VAT1L: variants seen among roughly 807,000 people sequenced by gnomAD.
The protein encoded by VAT1L is vesicle amine transport 1 like.
Under a neutral mutation model 44.1 loss-of-function variants are expected in VAT1L, and 34 were observed. That is an observed-to-expected ratio of 0.77 (90% CI 0.59 to 1.03). The LOEUF (loss-of-function observed/expected upper bound fraction) is 1.03. Among genes scored for constraint, VAT1L ranks in the 50% least tolerant of loss-of-function variants. The pLI is 0.00. For synonymous variants in VAT1L, 253 were observed against 202.2 expected (o/e 1.25, Z -2.13); for missense variants, 615 against 538.8 (o/e 1.14, Z -1.40).
chr16:77,844,886 A>G (rs1389469325), intron 3 of VAT1L, among the ~76,000 whole-genome samples: 1 of 152,206 alleles, frequency 6.6e-6, no homozygotes, highest in Middle Eastern at 3.2e-3. Context: ...AAGGATCAAG[A>G]TGCTATCATA....
In VAT1L at chr16:77,825,051, G is replaced by A. The variant is rs2966044; in HGVS notation, c.364-195G>A. On this transcript the variant is annotated intron_variant, in intron 2 of 8. Transcript: ENST00000302536. ...CTGGTGAATTTTTGTATTTTTAGTA[G>A]AGATGGGGTTTTACCATGTCAGCCA... Among the ~76,000 whole-genome samples the A allele has an allele frequency of 0.18, 26,991 of 151,672 alleles. 2,523 individuals carry two copies. The highest frequency in any genetic ancestry group is 0.22 in the Admixed American group (3,337 of 15,250).
At chr16:77,801,293 A>G (rs1187997369) in intron 1 of VAT1L, 1 of 152,178 alleles carries the variant, frequency 6.6e-6, no homozygotes, top group Admixed American at 6.5e-5. Context: ...TGGCTTCAAA[A>G]CAGGATTACG....
intron 7 of VAT1L, among the ~76,000 whole-genome samples, chr16:77,913,407 C>T (rs1256936735): frequency 6.6e-6 from 1 of 151,928 alleles, no homozygotes; most frequent in African/African-American, 2.4e-5. Context: ...AAACTCCTGC[C>T]CCCACATTCT....
chr16:77,922,011 T>C (rs561086230), intron 7 of VAT1L, among the ~76,000 whole-genome samples: 3 of 152,248 alleles, frequency 2.0e-5, no homozygotes, highest in East Asian at 3.9e-4. Context: ...GCCTCCCAAA[T>C]TGTTGGAATT....
At chr16:77,908,464 CAAAA>C (rs11418351) in intron 7 of VAT1L, among the ~76,000 whole-genome samples, 119 of 39,366 alleles carry the variant, frequency 3.0e-3, no homozygotes, top group African/African-American at 0.012. Context: ...GGTTCTGTCT[CAAAA>C]AAAAAAAAAA....
intron 6 of VAT1L, among the ~76,000 whole-genome samples, chr16:77,883,691 G>T (rs1055165280): frequency 6.6e-6 from 1 of 152,130 alleles, no homozygotes; most frequent in Non-Finnish European, 1.5e-5. Context: ...ACTACCCCCA[G>T]TTCAGAACCA....
intron 7 of VAT1L, among the ~76,000 whole-genome samples, chr16:77,921,883 A>G (rs2017615684): frequency 6.6e-6 from 1 of 151,986 alleles, no homozygotes; most frequent in African/African-American, 2.4e-5. Context: ...AGCTGGGACT[A>G]CAGGTGCATA....
intron 7 of VAT1L, among the ~76,000 whole-genome samples, chr16:77,948,035 C>T (rs1455923426): frequency 6.6e-6 from 1 of 152,218 alleles, no homozygotes; most frequent in African/African-American, 2.4e-5. Context: ...GCTGGGATTA[C>T]AGGTGTGTAC....
rs549498170 is a variant in VAT1L, at chr16:77,839,514, C to T, written c.579+14053C>T. ...TCGCGCCACTGCACTCCAGCCTGGG[C>T]GACAGAGAGATACTCCATATCAAAA... On this transcript the variant is annotated intron_variant, in intron 3 of 8. Coordinates refer to ENST00000302536, the MANE Select transcript of VAT1L (RefSeq NM_020927.3). Among the ~76,000 whole-genome samples the T allele has an allele frequency of 4.9e-4, 55 of 112,164 alleles. No homozygotes were observed. The South Asian group carries it at 0.013, about 26-fold the overall frequency. 73.6% of individuals were successfully genotyped at this position (112,164 alleles called of 152,430 possible). A position where few individuals can be genotyped will look rare whatever the true frequency, so the allele number is the denominator to read the frequency against.
intron 1 of VAT1L, among the ~76,000 whole-genome samples, chr16:77,802,337 C>T (rs567405459): frequency 5.3e-5 from 8 of 152,154 alleles, no homozygotes; most frequent in Admixed American, 3.3e-4. Context: ...CTAAAGTTGC[C>T]GGGGCACCGT....
chr16:77,936,197 C>T (rs1269672486), intron 7 of VAT1L, among the ~76,000 whole-genome samples: 1 of 152,184 alleles, frequency 6.6e-6, no homozygotes, highest in Admixed American at 6.5e-5. Flanking sequence ...GCAAGCTGGA[C>T]ATTCCTGGTT....
At chr16:77,976,061 T>C (rs2018336786) in intron 8 of VAT1L, among the ~76,000 whole-genome samples, 1 of 152,242 alleles carries the variant, frequency 6.6e-6, no homozygotes, top group South Asian at 2.1e-4. Context: ...GGTGACTATG[T>C]ATTATAATAT....
rs147373164 is a variant in VAT1L at position 77,864,398 on chromosome 16, C to A, written c.722+1508C>A. Among the ~76,000 whole-genome samples, 1,313 of 152,230 alleles carry A rather than the reference C, an allele frequency of 8.6e-3. 37 individuals carry two copies. Among genetic ancestry groups the A allele is most frequent in the East Asian group, 0.069 (359 of 5,188 alleles). ...ACTTGAGCCCAGGAGTTTGAGACCA[C>A]CCTGGCCAACATAGTGAAGCTCGAT... On this transcript the variant is annotated intron_variant, in intron 4 of 8. Transcript: ENST00000302536.
At chr16:77,839,924 G>A (rs2016687449) in intron 3 of VAT1L, among the ~76,000 whole-genome samples, 1 of 152,194 alleles carries the variant, frequency 6.6e-6, no homozygotes, top group South Asian at 2.1e-4. Context: ...GGTCATTTAT[G>A]TCTATGATGG....
chr16:77,939,685 T>G (rs1017878506), intron 7 of VAT1L, among the ~76,000 whole-genome samples: 2 of 152,156 alleles, frequency 1.3e-5, no homozygotes, highest in South Asian at 2.1e-4. Context: ...CAGAGAGGCT[T>G]GGAATAAAAT....
chr16:77,825,390 G>C lies in VAT1L; in HGVS notation c.508G>C (p.Val170Leu). 6.2e-7 allele frequency: 1 copy of C among 1,613,668 alleles called. No individual in the cohort carries two copies. Among genetic ancestry groups the C allele is most frequent in the Non-Finnish European group, 8.5e-7 (1 of 1,179,838 alleles). Residue 170 changes from valine (V) to leucine (L), a missense_variant, in exon 3 of 9, where the codon GTG becomes CTG. Physicochemically the swap from Val to Leu is conservative, Grantham distance 32 (BLOSUM62 1). Transcript: ENST00000302536. ...AFPMNFVTAY[V>L]MLFEVANLRE... ...CCCCATGAACTTCGTCACAGCCTAT[G>C]TGATGCTGTTTGAAGTTGCCAACCT...
chr16:77,957,052 A>T (rs1017644372), intron 7 of VAT1L, among the ~76,000 whole-genome samples: 1 of 152,192 alleles, frequency 6.6e-6, no homozygotes, highest in South Asian at 2.1e-4. Flanking sequence ...GGATTTTGCC[A>T]TTGAAAATAA....
At chr16:77,839,534 T>C (rs1321410458) in intron 3 of VAT1L, among the ~76,000 whole-genome samples, 1 of 8,580 alleles carries the variant, frequency 1.2e-4, no homozygotes. Context: ...ATACTCCATA[T>C]CAAAAAAAAA....
chr16:77,817,347 G>A (rs978879682), intron 2 of VAT1L, among the ~76,000 whole-genome samples: 1 of 152,144 alleles, frequency 6.6e-6, no homozygotes. Context: ...AACTAAGTGT[G>A]CATAGCCCCT....
Sources: allele counts gnomAD v4.1 joint callset (sites outside exome capture counted in the v4.1 genomes callset), GRCh38; gene constraint gnomAD v4.1.1; transcripts MANE v1.5; gene names NCBI Gene and HGNC (gene_info 2026-07-23, HGNC 2026-07-21).